SIRT4: variants seen among roughly 807,000 people sequenced by gnomAD.
SIRT4 encodes the protein sirtuin 4.
SIRT4 carries 23 observed loss-of-function variants against 26.1 expected under a neutral mutation model. The ratio of observed to expected loss-of-function variants is 0.88; its 90% CI spans 0.63 to 1.25. The LOEUF (loss-of-function observed/expected upper bound fraction) is 1.25, where lower values mean the gene tolerates loss of function less well. Ranked by LOEUF, SIRT4 falls within the 50% of genes most tolerant of loss-of-function variation. The probability of loss-of-function intolerance (pLI) is 0.00; values close to 1 mark genes in which losing one functional copy is unlikely to be tolerated. For synonymous variants in SIRT4, 155 were observed against 158.4 expected, an observed-to-expected ratio of 0.98 and a Z score of 0.16; for missense variants, 361 against 405.4, an observed-to-expected ratio of 0.89 and a Z score of 0.94.
the SIRT4 span, among the ~76,000 whole-genome samples, chr12:120,293,797 C>G: frequency 6.6e-6 from 1 of 152,066 alleles, no homozygotes; most frequent in Non-Finnish European, 1.5e-5. Context: ...CCTTCTCCTC[C>G]AGCCCCCGTG....
chr12:120,313,140 G>A lies in SIRT4; in HGVS notation c.*104G>A, dbSNP rs1405783393. On this transcript the variant is annotated 3_prime_UTR_variant, in exon 4 of 4. Transcript: ENST00000202967. ...GACAGATTCCAGTTCCCATTCAACA[G>A]AGTAGGGTGCACTGACAAAGTATAG... 1 of 1,336,152 alleles carries A rather than the reference G, an allele frequency of 7.5e-7. No homozygotes were observed. The highest frequency in any genetic ancestry group is 1.1e-6 in the Non-Finnish European group (1 of 945,200). 82.8% of individuals were successfully genotyped at this position (1,336,152 alleles called of 1,614,324 possible). A position where few individuals can be genotyped will look rare whatever the true frequency, so the allele number is the denominator to read the frequency against.
In SIRT4 at chr12:120,303,792, A is replaced by C. The variant is rs957287189; in HGVS notation, c.231A>C (p.Glu77Asp). 3.1e-6 allele frequency: 5 copies of C among 1,614,134 alleles called. No homozygotes were observed. Among genetic ancestry groups the C allele is most frequent in the Non-Finnish European group, 4.2e-6 (5 of 1,180,028 alleles). Residue 77 changes from glutamate to aspartate, a missense_variant, in exon 2 of 4, where the codon GAA (glutamate) becomes GAC (aspartate). Glu to Asp is a conservative substitution (Grantham distance 45). Transcript: ENST00000202967. Reference protein sequence around the residue: ...TESGIPDYRSEKVGLYARTDR... With the variant: ...TESGIPDYRSDKVGLYARTDR... ...CGGGGATACCAGACTACAGGTCAGAAAAAGTGGGGCTTTATGCCCGCACTG... is the reference window on the plus strand; with the variant it reads ...CGGGGATACCAGACTACAGGTCAGACAAAGTGGGGCTTTATGCCCGCACTG...
chr12:120,304,611 C>T (rs548180910), intron 2 of SIRT4, among the ~76,000 whole-genome samples: 82 of 150,542 alleles, frequency 5.4e-4, no homozygotes, highest in African/African-American at 2.0e-3. Flanking sequence ...TGCACCACTA[C>T]ACTCCAGCCT....
chr12:120,293,196 G>GA, the SIRT4 span: 1 of 152,150 alleles, frequency 6.6e-6, no homozygotes, highest in African/African-American at 2.4e-5. Context: ...ATCGCGCCTC[G>GA]GATAGACCTC....
the SIRT4 span, among the ~76,000 whole-genome samples, chr12:120,297,128 T>G: frequency 2.0e-5 from 3 of 151,552 alleles, no homozygotes; most frequent in African/African-American, 7.3e-5. Context: ...GAGGCTGACA[T>G]AGGAGAATCA....
At chr12:120,306,690 C>T (rs566538253) in intron 2 of SIRT4, among the ~76,000 whole-genome samples, 50 of 152,112 alleles carry the variant, frequency 3.3e-4, no homozygotes, top group African/African-American at 1.2e-3. Flanking sequence ...GTAGTCTCAG[C>T]TATTTGGGAG....
intron 2 of SIRT4, among the ~76,000 whole-genome samples, chr12:120,306,335 C>T (rs1349967545): frequency 1.3e-5 from 2 of 151,216 alleles, no homozygotes; most frequent in African/African-American, 4.9e-5. Context: ...ATTAGCTGGG[C>T]GTGGTGGTGC....
chr12:120,299,047 A>T (rs1872445637), upstream of SIRT4, among the ~76,000 whole-genome samples: 1 of 149,266 alleles, frequency 6.7e-6, no homozygotes, highest in South Asian at 2.1e-4. Flanking sequence ...TAACACGGTG[A>T]AACCCCGTCT....
Position 120,303,665 on chromosome 12 carries a change from C to T in SIRT4, c.104C>T (p.Ala35Val). The change falls in exon 2 of 4, where the codon GCA (alanine) becomes GTA (valine). Residue 35 changes from alanine (A) to valine (V), a missense_variant. Physicochemically the swap from Ala to Val is moderately conservative, Grantham distance 64. Transcript: ENST00000202967. ...SKASIGLFVP[A>V]SPPLDPEKVK... The stretch of plus-strand genomic sequence containing the variant: ...GCCTCCATTGGGTTATTTGTGCCAG[C>T]AAGTCCTCCTCTGGACCCTGAGAAG... The T allele has an allele frequency of 6.2e-7, 1 of 1,614,162 alleles. No individual in the cohort carries two copies. Among genetic ancestry groups the T allele is most frequent in the Non-Finnish European group, 8.5e-7 (1 of 1,180,024 alleles).
chr12:120,295,874 T>G, the SIRT4 span, among the ~76,000 whole-genome samples: 1 of 151,498 alleles, frequency 6.6e-6, no homozygotes, highest in Non-Finnish European at 1.5e-5. Flanking sequence ...CCTGGTAACA[T>G]GGCGACATCC....
upstream of SIRT4, among the ~76,000 whole-genome samples, chr12:120,301,521 CG>C (rs1208699311): frequency 6.6e-6 from 1 of 152,048 alleles, no homozygotes; most frequent in Non-Finnish European, 1.5e-5. Context: ...AAATCTAGGC[CG>C]GGAACAGTGG....
At chr12:120,309,811 G>C (rs1455882032) in intron 2 of SIRT4, among the ~76,000 whole-genome samples, 1 of 150,458 alleles carries the variant, frequency 6.6e-6, no homozygotes, top group African/African-American at 2.5e-5. Flanking sequence ...TACATCCTGG[G>C]TTCAAGCAAT....
chr12:120,312,798 A>G, intron 3 of SIRT4, 48 bp downstream of exon 3: 1 of 1,605,000 alleles, frequency 6.2e-7, no homozygotes, highest in Non-Finnish European at 8.5e-7. Context: ...CGGGATTGGG[A>G]GTCCTGGAGA....
At chr12:120,301,882 T>C (rs145808318), upstream of SIRT4, among the ~76,000 whole-genome samples, 929 of 152,128 alleles carry the variant, frequency 6.1e-3, 12 homozygotes, top group Non-Finnish European at 6.9e-3. Flanking sequence ...AAGACGAGCC[T>C]GGCCAACATG....
intron 2 of SIRT4, among the ~76,000 whole-genome samples, chr12:120,304,533 CCAG>C (rs1335694677): frequency 6.7e-6 from 1 of 148,702 alleles, no homozygotes; most frequent in Non-Finnish European, 1.5e-5. Context: ...GCCTGTAATC[CCAG>C]CTGCTTGGGA....
chr12:120,303,688 A>C lies in SIRT4; in HGVS notation c.127A>C (p.Lys43Gln). Residue 43 changes from lysine to glutamine, a missense_variant, in exon 2 of 4, where the codon AAG becomes CAG. Coordinates refer to ENST00000202967, the MANE Select transcript of SIRT4 (RefSeq NM_012240.3). The part of the protein sequence containing the change: ...VPASPPLDPE[K>Q]VKELQRFITL... ...AGCAAGTCCTCCTCTGGACCCTGAG[A>C]AGGTCAAAGAGTTACAGCGCTTCAT... The C allele has an allele frequency of 1.9e-6, 3 of 1,614,038 alleles. No individual in the cohort carries two copies. Among genetic ancestry groups the C allele is most frequent in the Non-Finnish European group, 2.5e-6 (3 of 1,180,004 alleles).
the SIRT4 span, among the ~76,000 whole-genome samples, chr12:120,297,224 A>G: frequency 6.9e-6 from 1 of 145,548 alleles, no homozygotes. Flanking sequence ...CTCCGTCTCA[A>G]AATAAATAAA....
At chr12:120,293,729 T>G in the SIRT4 span, among the ~76,000 whole-genome samples, 1 of 152,144 alleles carries the variant, frequency 6.6e-6, no homozygotes, top group African/African-American at 2.4e-5. Context: ...AACTTTATCT[T>G]TCATGCCCAA....
upstream of SIRT4, among the ~76,000 whole-genome samples, chr12:120,301,877 G>A (rs1872561865): frequency 1.3e-5 from 2 of 151,572 alleles, no homozygotes; most frequent in Non-Finnish European, 2.9e-5. Context: ...AGTTCAAGAC[G>A]AGCCTGGCCA....
Sources: allele counts gnomAD v4.1 joint callset (sites outside exome capture counted in the v4.1 genomes callset), GRCh38; gene constraint gnomAD v4.1.1; transcripts MANE v1.5; gene names NCBI Gene and HGNC (gene_info 2026-07-23, HGNC 2026-07-21).